Variants in ASB4 observed in about 807,000 individuals in gnomAD.
ASB4 encodes ankyrin repeat and SOCS box protein 4.
Under a neutral mutation model 38.6 loss-of-function variants are expected in ASB4, and 35 were observed. The ratio of observed to expected loss-of-function variants is 0.91; its 90% CI spans 0.69 to 1.20. ASB4 has a LOEUF of 1.20. Ranked by LOEUF, ASB4 falls within the 50% of genes most tolerant of loss-of-function variation. ASB4 has a pLI of 0.00. For missense variants in ASB4, 557 were observed against 527.2 expected, an observed-to-expected ratio of 1.06 and a Z score of -0.55; for synonymous variants, 195 against 201.3, an observed-to-expected ratio of 0.97 and a Z score of 0.26.
At chr7:95,486,246 T>G (rs1408255112) in intron 1 of ASB4, 88 bp downstream of exon 1, 3 of 1,021,532 alleles carry the variant, frequency 2.9e-6, no homozygotes, top group African/African-American at 3.2e-5. Context: ...AACAGTAGTT[T>G]TTATTGTTTC....
chr7:95,472,743 G>A, the ASB4 span, among the ~76,000 whole-genome samples: 4 of 152,192 alleles, frequency 2.6e-5, no homozygotes, highest in South Asian at 4.2e-4. Flanking sequence ...GATAAAACGC[G>A]GTTAACCTCA....
the ASB4 span, among the ~76,000 whole-genome samples, chr7:95,549,714 C>G: frequency 1.3e-5 from 2 of 152,146 alleles, no homozygotes; most frequent in African/African-American, 2.4e-5. Flanking sequence ...TGTTATTAGA[C>G]TCTGACAGGT....
intron 1 of ASB4, among the ~76,000 whole-genome samples, chr7:95,492,866 A>C (rs2116584116): frequency 6.6e-6 from 1 of 152,342 alleles, no homozygotes; most frequent in South Asian, 2.1e-4. Flanking sequence ...TAAGTATTGA[A>C]GTTAATGTGA....
rs966219955 is a variant in ASB4 at position 95,492,808 on chromosome 7, T to G, written c.188-2950T>G. Among the ~76,000 whole-genome samples, 7 of 152,318 alleles carry G rather than the reference T, an allele frequency of 4.6e-5. No homozygotes were observed. The South Asian group carries it at 1.0e-3, about 23-fold the overall frequency. On this transcript the variant is annotated intron_variant, in intron 1 of 4. Coordinates refer to ENST00000325885, the MANE Select transcript of ASB4 (RefSeq NM_016116.3). ...CTTCTTAGGCAGTTAGGAAAGACTG[T>G]TTTTGCCAGTTGCTTTTTGAGGAAA... is the stretch of plus-strand genomic sequence containing the variant.
downstream of ASB4, among the ~76,000 whole-genome samples, chr7:95,541,604 C>G (rs1479827183): frequency 6.6e-6 from 1 of 152,166 alleles, no homozygotes; most frequent in Non-Finnish European, 1.5e-5. Context: ...AAATTCTCCA[C>G]TGAGTGGGGG....
chr7:95,489,555 C>T (rs1790140795), intron 1 of ASB4, among the ~76,000 whole-genome samples: 1 of 152,188 alleles, frequency 6.6e-6, no homozygotes, highest in Non-Finnish European at 1.5e-5. Context: ...AGAAACTTTT[C>T]TCACATTTTG....
intron 2 of ASB4, among the ~76,000 whole-genome samples, chr7:95,515,191 TTC>T (rs1223666642): frequency 1.6e-5 from 2 of 125,146 alleles, no homozygotes; most frequent in African/African-American, 7.5e-5. Context: ...CTTTCTTTCT[TTC>T]TTTCTTTCTT....
downstream of ASB4, among the ~76,000 whole-genome samples, chr7:95,541,487 G>A (rs1219705769): frequency 1.3e-5 from 2 of 152,154 alleles, no homozygotes; most frequent in Non-Finnish European, 2.9e-5. Flanking sequence ...TGTTGGGTGA[G>A]CTTGTACTGT....
upstream of ASB4, among the ~76,000 whole-genome samples, chr7:95,478,152 C>A (rs1789993965): frequency 6.6e-6 from 1 of 152,090 alleles, no homozygotes; most frequent in South Asian, 2.1e-4. Flanking sequence ...ACCTCTGCAT[C>A]ATAAATTTGT....
chr7:95,514,253 C>A (rs1017518883), intron 2 of ASB4, among the ~76,000 whole-genome samples: 1 of 152,164 alleles, frequency 6.6e-6, no homozygotes, highest in Non-Finnish European at 1.5e-5. Flanking sequence ...TTCTGTCTCA[C>A]CGACACTATA....
Position 95,539,134 on chromosome 7 carries a change from G to A in ASB4, c.*1375G>A, listed in dbSNP as rs907074661. 3.9e-5 allele frequency: 6 copies of A among 152,032 alleles called. No individual in the cohort carries two copies. The highest frequency in any genetic ancestry group is 8.8e-5 in the Non-Finnish European group (6 of 68,002). The allele number at this position is 152,032 out of a possible 1,614,324, so 9.4% of individuals were successfully genotyped here. A position where few individuals can be genotyped will look rare whatever the true frequency, so the allele number is the denominator to read the frequency against. On this transcript the variant is annotated 3_prime_UTR_variant, in exon 5 of 5. Coordinates refer to ENST00000325885, the MANE Select transcript of ASB4 (RefSeq NM_016116.3). The stretch of plus-strand genomic sequence containing the variant: ...ATTGCTCTTAGCATCATTTTTTAGA[G>A]GTTAAAGCAGAAGTAAATTGCAAAC...
upstream of ASB4, among the ~76,000 whole-genome samples, chr7:95,482,681 T>C (rs1356717395): frequency 1.3e-5 from 2 of 152,188 alleles, no homozygotes; most frequent in African/African-American, 4.8e-5. Context: ...GGGAGATCAA[T>C]AGGCTTGCTG....
intron 2 of ASB4, among the ~76,000 whole-genome samples, chr7:95,520,810 T>C (rs1762824498): frequency 6.6e-6 from 1 of 152,182 alleles, no homozygotes; most frequent in South Asian, 2.1e-4. Flanking sequence ...ACGTTCTATT[T>C]CATTGGTCCA....
At chr7:95,523,093 A>C (rs1790685654) in intron 2 of ASB4, among the ~76,000 whole-genome samples, 2 of 152,208 alleles carry the variant, frequency 1.3e-5, no homozygotes, top group Admixed American at 1.3e-4. Context: ...TAAGAATGTC[A>C]ATTCTTCCTA....
chr7:95,519,493 T>G (rs1236902375), intron 2 of ASB4, among the ~76,000 whole-genome samples: 1 of 152,226 alleles, frequency 6.6e-6, no homozygotes, highest in Non-Finnish European at 1.5e-5. Context: ...GTTCTTTATC[T>G]GCACAGAAGC....
At chr7:95,483,915 T>C (rs1790047183), upstream of ASB4, among the ~76,000 whole-genome samples, 2 of 152,134 alleles carry the variant, frequency 1.3e-5, no homozygotes, top group East Asian at 3.9e-4. Flanking sequence ...TGGGAGCCAA[T>C]CCCTTGGTTG....
intron 2 of ASB4, among the ~76,000 whole-genome samples, chr7:95,510,057 T>C (rs1376673249): frequency 2.0e-5 from 3 of 152,108 alleles, no homozygotes; most frequent in Non-Finnish European, 1.5e-5. Context: ...AAAGAGAAGC[T>C]TAAATGCTAT....
intron 2 of ASB4, among the ~76,000 whole-genome samples, chr7:95,518,456 T>C (rs1039194951): frequency 6.6e-6 from 1 of 152,252 alleles, no homozygotes; most frequent in African/African-American, 2.4e-5. Context: ...GAATTGCCCC[T>C]TGGAACTGCA....
At chr7:95,535,012 G>A (rs142959063) in intron 3 of ASB4, among the ~76,000 whole-genome samples, 34 of 152,194 alleles carry the variant, frequency 2.2e-4, no homozygotes, top group Middle Eastern at 6.8e-3. Context: ...ACTCCATCCA[G>A]GTTGGCCTCT....
Sources: allele counts gnomAD v4.1 joint callset (sites outside exome capture counted in the v4.1 genomes callset), GRCh38; gene constraint gnomAD v4.1.1; transcripts MANE v1.5; gene names NCBI Gene and HGNC (gene_info 2026-07-23, HGNC 2026-07-21).